Variants in SPIRE2 observed in about 807,000 individuals in gnomAD.
SPIRE2 encodes spire type actin nucleation factor 2, also known as protein spire homolog 2.
SPIRE2 carries 76 observed loss-of-function variants against 80.7 expected under a neutral mutation model. The ratio of observed to expected loss-of-function variants is 0.94; its 90% CI spans 0.78 to 1.14. SPIRE2 has a LOEUF of 1.14. SPIRE2 is among the 50% of genes most tolerant of loss of function. The pLI, the probability that SPIRE2 is intolerant of heterozygous loss-of-function variation, is 0.00. For missense variants in SPIRE2, 1,196 were observed against 1,015.3 expected (o/e 1.18, Z -2.42); for synonymous variants, 535 against 432.6 (o/e 1.24, Z -2.94).
At chr16:89,865,784 C>T (rs1213891596) in intron 12 of SPIRE2, among the ~76,000 whole-genome samples, 2 of 151,484 alleles carry the variant, frequency 1.3e-5, no homozygotes, top group East Asian at 2.0e-4. Flanking sequence ...CTGGCTAACA[C>T]GATGAAACCC....
chr16:89,835,505 G>C (rs1171910916), intron 1 of SPIRE2, among the ~76,000 whole-genome samples: 1 of 152,204 alleles, frequency 6.6e-6, no homozygotes, highest in East Asian at 1.9e-4. Flanking sequence ...AGGGGTATTG[G>C]AGTGCTGGTG....
intron 1 of SPIRE2, among the ~76,000 whole-genome samples, chr16:89,843,206 C>G (rs1453902385): frequency 6.6e-6 from 1 of 152,176 alleles, no homozygotes; most frequent in Non-Finnish European, 1.5e-5. Flanking sequence ...CTGGGCCCCA[C>G]GGCCTGGCCC....
At chr16:89,854,074 T>C (rs2041663674) in intron 3 of SPIRE2, among the ~76,000 whole-genome samples, 1 of 152,038 alleles carries the variant, frequency 6.6e-6, no homozygotes, top group Admixed American at 6.5e-5. Context: ...CTGAGTGGAG[T>C]CTCCACACCT....
At chr16:89,857,685 C>T (rs2041703667) in intron 7 of SPIRE2, among the ~76,000 whole-genome samples, 1 of 151,550 alleles carries the variant, frequency 6.6e-6, no homozygotes, top group Non-Finnish European at 1.5e-5. Flanking sequence ...ATTCTCCTGC[C>T]TCAGCCTCCC....
At chr16:89,868,301 G>A in intron 13 of SPIRE2, 85 bp downstream of exon 13, 4 of 1,307,996 alleles carry the variant, frequency 3.1e-6, no homozygotes, top group Non-Finnish European at 4.4e-6. Flanking sequence ...GGATGATGCT[G>A]CCTCACCAGG....
At chr16:89,868,246 G>A (rs763755918) in intron 13 of SPIRE2, 30 bp downstream of exon 13, 4 of 1,612,916 alleles carry the variant, frequency 2.5e-6, no homozygotes, top group East Asian at 2.2e-5. Context: ...TCTGGGGTCT[G>A]AGCAAGGCAG....
chr16:89,853,028 A>ACCCTCAAGATCCCATGGCCCG, intron 3 of SPIRE2, among the ~76,000 whole-genome samples: 1 of 141,494 alleles, frequency 7.1e-6, no homozygotes, highest in South Asian at 2.3e-4. Flanking sequence ...CCCATGGCCC[A>ACCCTCAAGATCCCATGGCCCG]TCTTCCGTCC....
At chr16:89,839,385 A>AG (rs903833527) in intron 1 of SPIRE2, among the ~76,000 whole-genome samples, 9 of 151,176 alleles carry the variant, frequency 6.0e-5, no homozygotes, top group African/African-American at 2.2e-4. Flanking sequence ...AAAAAAAAAA[A>AG]AAAACTGTTA....
At position 89,850,513 on chromosome 16, in the gene SPIRE2, C is replaced by A; in HGVS notation, c.498C>A (p.Arg166=). 6.6e-7 allele frequency: 1 copy of A among 1,523,504 alleles called. No individual in the cohort carries two copies. Among genetic ancestry groups the A allele is most frequent in the Non-Finnish European group, 8.8e-7 (1 of 1,139,506 alleles). 94.4% of individuals were successfully genotyped at this position (1,523,504 alleles called of 1,614,324 possible). A position where few individuals can be genotyped will look rare whatever the true frequency, so the allele number is the denominator to read the frequency against. ...CCGAGGGCGTCCCCCGCAGCGTGCG[C>A]ACCTTTGCCCAGGCCATGCGGCTGT... ...EEAEGVPRSV[R]TFAQAMRLCA... Residue 166 remains arginine (R), a synonymous_variant, in exon 3 of 15, where the codon CGC becomes CGA. Coordinates refer to ENST00000378247, the MANE Select transcript of SPIRE2 (RefSeq NM_032451.2).
chr16:89,847,466 A>T lies in SPIRE2; in HGVS notation c.288+2101A>T, dbSNP rs138515232. Among the ~76,000 whole-genome samples the T allele has an allele frequency of 8.8e-3, 1,334 of 152,290 alleles. 32 individuals are homozygous for T. The South Asian group carries it at 0.094, about 11-fold the overall frequency. Reference sequence around the variant, plus strand: ...GCAGCTGCTGCCTACCGCCTGGAAGACCTTCCAAAGGGGGCCTGCCGTGGT... The same window carrying T: ...GCAGCTGCTGCCTACCGCCTGGAAGTCCTTCCAAAGGGGGCCTGCCGTGGT... On this transcript the variant is annotated intron_variant, in intron 2 of 14. Transcript: ENST00000378247.
chr16:89,841,229 C>T (rs1386976893), intron 1 of SPIRE2, among the ~76,000 whole-genome samples: 1 of 151,664 alleles, frequency 6.6e-6, no homozygotes, highest in East Asian at 1.9e-4. Context: ...CTTTTCTTCT[C>T]TCATTGAGGC....
At chr16:89,851,700 C>T (rs889512600) in intron 3 of SPIRE2, among the ~76,000 whole-genome samples, 2 of 152,112 alleles carry the variant, frequency 1.3e-5, no homozygotes, top group Non-Finnish European at 2.9e-5. Flanking sequence ...GTTTCTGTGT[C>T]GTGGGGTCTC....
chr16:89,833,442 G>C (rs935604922), intron 1 of SPIRE2, among the ~76,000 whole-genome samples: 1 of 152,234 alleles, frequency 6.6e-6, no homozygotes, highest in Non-Finnish European at 1.5e-5. Flanking sequence ...GCACTGTTTT[G>C]ATTCCCATTT....
intron 7 of SPIRE2, among the ~76,000 whole-genome samples, chr16:89,858,080 T>G (rs1260755521): frequency 6.6e-6 from 1 of 151,094 alleles, no homozygotes; most frequent in African/African-American, 2.4e-5. Flanking sequence ...AGAGACAGGG[T>G]TTCACCATGT....
At chr16:89,868,081 G>C (rs942023644) in intron 12 of SPIRE2, 108 bp from the exon 13 acceptor site, 1 of 1,216,374 alleles carries the variant, frequency 8.2e-7, no homozygotes, top group Non-Finnish European at 1.2e-6. Context: ...TCAGGCAGAA[G>C]GCAAGGATGG....
intron 2 of SPIRE2, 101 bp from the exon 3 acceptor site, chr16:89,850,203 G>C: frequency 1.1e-6 from 1 of 947,142 alleles, no homozygotes; most frequent in Non-Finnish European, 1.6e-6. Context: ...GACAGCTGCT[G>C]TCTCCCTGGC....
In SPIRE2 at chr16:89,855,444, G is replaced by A. The variant is rs564020706; in HGVS notation, c.892-156G>A. Among the ~76,000 whole-genome samples, 8 of 152,236 alleles carry A rather than the reference G, an allele frequency of 5.3e-5. No individual in the cohort carries two copies. The East Asian group carries it at 5.8e-4, about 11-fold the overall frequency. ...AGCATGGCCTGTGGATCTGCCGTGCGTTTACCAGGGAAGCAGCTGGGTCCC... is the reference window on the plus strand; with the variant it reads ...AGCATGGCCTGTGGATCTGCCGTGCATTTACCAGGGAAGCAGCTGGGTCCC... On this transcript the variant is annotated intron_variant, in intron 5 of 14. Coordinates refer to ENST00000378247, the MANE Select transcript of SPIRE2 (RefSeq NM_032451.2).
rs889491896 is a variant in SPIRE2 at position 89,851,539 on chromosome 16, C to T, written c.645+879C>T. ...TTGCCCGAAGCCACAAAGCAAGAGT[C>T]GGGCAGTGCTAGGCTCCGACGTGGC... On this transcript the variant is annotated intron_variant, in intron 3 of 14. Transcript: ENST00000378247. 8.5e-5 allele frequency among the ~76,000 whole-genome samples: 13 copies of T among 152,252 alleles called. 2 individuals are homozygous for T. The highest frequency in any genetic ancestry group is 7.7e-4 in the East Asian group (4 of 5,170).
chr16:89,865,206 C>T (rs2041778884), intron 12 of SPIRE2, among the ~76,000 whole-genome samples: 1 of 152,016 alleles, frequency 6.6e-6, no homozygotes, highest in African/African-American at 2.4e-5. Context: ...TGGGGTTTCA[C>T]CATGTTAGCC....
Sources: allele counts gnomAD v4.1 joint callset (sites outside exome capture counted in the v4.1 genomes callset), GRCh38; gene constraint gnomAD v4.1.1; transcripts MANE v1.5; gene names NCBI Gene and HGNC (gene_info 2026-07-23, HGNC 2026-07-21).